The following S1PR2 variants were observed in gnomAD, a reference collection of about 807,000 sequenced individuals.
S1PR2 encodes sphingosine-1-phosphate receptor 2, also known as sphingosine 1-phosphate receptor 2.
A neutral mutation model predicts 16.1 loss-of-function variants in S1PR2; 9 were observed. The observed-to-expected ratio is 0.56, with a 90% CI of 0.34 to 0.98. The LOEUF is 0.98. S1PR2 is among the 50% of genes least tolerant of loss of function. S1PR2 has a pLI of 0.02. For synonymous variants in S1PR2, 224 were observed against 233.9 expected (o/e 0.96, Z 0.38); for missense variants, 361 against 488.4 (o/e 0.74, Z 2.46).
At chr19:10,226,455 T>C (rs375326682) in intron 1 of S1PR2, among the ~76,000 whole-genome samples, 1 of 152,248 alleles carries the variant, frequency 6.6e-6, no homozygotes, top group African/African-American at 2.4e-5. Context: ...ATGGGGGTGA[T>C]GGGAAAATCC....
Position 10,224,793 on chromosome 19 carries a change from G to C in S1PR2, c.113C>G (p.Ala38Gly), listed in dbSNP as rs776432035. ...QETTSRQVAS[A>G]FIVILCCAIV... ...GGCGCAACAGAGGATGACGATGAAG[G>C]CCGAGGCCACCTGGCGGGAGGTCGT... The change falls in exon 2 of 2, where the codon GCC becomes GGC. Residue 38 changes from alanine to glycine, a missense_variant. Physicochemically the swap from Ala to Gly is moderately conservative, Grantham distance 60. Coordinates refer to ENST00000646641, the MANE Select transcript of S1PR2 (RefSeq NM_004230.4). 33 of 1,614,116 alleles carry C rather than the reference G, an allele frequency of 2.0e-5. No individual in the cohort carries two copies. The highest frequency in any genetic ancestry group is 2.6e-5 in the Non-Finnish European group (31 of 1,180,054).
At chr19:10,230,139 A>G (rs2039661566) in intron 1 of S1PR2, among the ~76,000 whole-genome samples, 1 of 152,200 alleles carries the variant, frequency 6.6e-6, no homozygotes, top group Admixed American at 6.5e-5. Flanking sequence ...CAACCAGGCA[A>G]AGCCCAGCGT....
At position 10,222,419 on chromosome 19, in the gene S1PR2, C is replaced by T. The variant is rs919103487; in HGVS notation, c.*1425G>A. On this transcript the variant is annotated 3_prime_UTR_variant, in exon 2 of 2. Transcript: ENST00000646641. ...GCTGCAGGTGTGGAGCTGAGAATAG[C>T]TTGGGGGGTGGCTGTTTTTGAAAGG... 2.0e-5 allele frequency: 3 copies of T among 152,300 alleles called. No homozygotes were observed. Among genetic ancestry groups the T allele is most frequent in the East Asian group, 1.9e-4 (1 of 5,336 alleles). The allele number at this position is 152,300 out of a possible 1,614,324, so 9.4% of individuals were successfully genotyped here.
At chr19:10,226,518 C>A (rs1241856655) in intron 1 of S1PR2, among the ~76,000 whole-genome samples, 1 of 152,190 alleles carries the variant, frequency 6.6e-6, no homozygotes, top group East Asian at 1.9e-4. Context: ...TCAACAAATA[C>A]TGCCAAATGT....
Position 10,224,257 on chromosome 19 carries a change from G to A in S1PR2, c.649C>T (p.Arg217Cys), listed in dbSNP as rs769736633. ...GCGGCCATGTCAGCGTGGCTTGAGC[G>A]GACCACGCAGTAGATGCGCACGTAC... ...ALYVRIYCVVRSSHADMAAPQ... is the reference protein window; with the variant it reads ...ALYVRIYCVVCSSHADMAAPQ... The change falls in exon 2 of 2, where the codon CGC becomes TGC. Residue 217 changes from arginine to cysteine, a missense_variant. Transcript: ENST00000646641. The A allele has an allele frequency of 1.4e-5, 22 of 1,613,816 alleles. No homozygotes were observed. Among genetic ancestry groups the A allele is most frequent in the East Asian group, 2.2e-5 (1 of 44,902 alleles).
chr19:10,225,362 T>C (rs1337476761), intron 1 of S1PR2, among the ~76,000 whole-genome samples: 3 of 148,920 alleles, frequency 2.0e-5, no homozygotes, highest in Non-Finnish European at 4.4e-5. Flanking sequence ...CAGCTTCAGC[T>C]ACAAGCACAT....
intron 1 of S1PR2, among the ~76,000 whole-genome samples, chr19:10,229,508 T>C (rs2145445565): frequency 6.6e-6 from 1 of 152,268 alleles, no homozygotes; most frequent in East Asian, 1.9e-4. Flanking sequence ...CAGGCTGGTC[T>C]GGAACTCCTG....
chr19:10,224,477 G>T lies in S1PR2; in HGVS notation c.429C>A (p.Asp143Glu), dbSNP rs774990809. The T allele has an allele frequency of 1.2e-6, 2 of 1,613,852 alleles. No individual in the cohort carries two copies. The highest frequency in any genetic ancestry group is 8.5e-7 in the Non-Finnish European group (1 of 1,180,036). The change falls in exon 2 of 2, where the codon GAC becomes GAA. Residue 143 changes from aspartate to glutamate, a missense_variant. Asp to Glu is a conservative substitution (Grantham distance 45). Transcript: ENST00000646641. ...AIAKVKLYGS[D>E]KSCRMLLLIG... is the part of the protein sequence containing the mutation. Reference sequence around the variant, plus strand: ...TGAGCAGAAGCATGCGGCAGCTCTTGTCGCTGCCATACAGCTTGACCTTGG... The same window carrying T: ...TGAGCAGAAGCATGCGGCAGCTCTTTTCGCTGCCATACAGCTTGACCTTGG...
rs755629087 is a variant in S1PR2 at position 10,224,809 on chromosome 19, G to A, written c.97C>T (p.Arg33Cys). Residue 33 changes from arginine (R) to cysteine (C), a missense_variant, in exon 2 of 2, where the codon CGC becomes TGC. Physicochemically the swap from Arg to Cys is radical, Grantham distance 180. Coordinates refer to ENST00000646641, the MANE Select transcript of S1PR2 (RefSeq NM_004230.4). ...ACGATGAAGGCCGAGGCCACCTGGC[G>A]GGAGGTCGTCTCCTGCGTTTCCAGC... ...ETLETQETTS[R>C]QVASAFIVIL... 4.3e-6 allele frequency: 7 copies of A among 1,614,228 alleles called. No homozygotes were observed. Among genetic ancestry groups the A allele is most frequent in the East Asian group, 2.2e-5 (1 of 44,888 alleles).
chr19:10,222,447 G>GGT lies in S1PR2; in HGVS notation c.*1395_*1396dup, dbSNP rs1231086044. 1.3e-5 allele frequency: 2 copies of GGT among 152,214 alleles called. No individual in the cohort carries two copies. The highest frequency in any genetic ancestry group is 2.9e-5 in the Non-Finnish European group (2 of 68,022). 9.4% of individuals were successfully genotyped at this position (152,214 alleles called of 1,614,324 possible). On this transcript the variant is annotated 3_prime_UTR_variant, in exon 2 of 2. Coordinates refer to ENST00000646641, the MANE Select transcript of S1PR2 (RefSeq NM_004230.4). ...GGGGGGTGGCTGTTTTTGAAAGGAGGGTGTCTGTGCAAATATCACACCCAG... is the reference window on the plus strand; with the variant it reads ...GGGGGGTGGCTGTTTTTGAAAGGAGGGTGTGTCTGTGCAAATATCACACCCAG...
At chr19:10,227,055 G>A (rs1007590617) in intron 1 of S1PR2, among the ~76,000 whole-genome samples, 1 of 151,648 alleles carries the variant, frequency 6.6e-6, no homozygotes, top group African/African-American at 2.4e-5. Flanking sequence ...GGCGCTCCTC[G>A]GCAGAGAGGA....
intron 1 of S1PR2, among the ~76,000 whole-genome samples, chr19:10,226,488 G>A (rs1206090281): frequency 1.3e-5 from 2 of 152,204 alleles, no homozygotes; most frequent in African/African-American, 2.4e-5. Flanking sequence ...CATGAGGCAC[G>A]TTTAGCTCAT....
intron 1 of S1PR2, among the ~76,000 whole-genome samples, chr19:10,227,403 C>T (rs990694080): frequency 2.0e-5 from 3 of 152,112 alleles, no homozygotes; most frequent in African/African-American, 4.8e-5. Flanking sequence ...TCCCCCAGGG[C>T]GGAGGGACAT....
intron 1 of S1PR2, among the ~76,000 whole-genome samples, chr19:10,229,139 T>G (rs2039653678): frequency 6.6e-6 from 1 of 151,968 alleles, no homozygotes; most frequent in Non-Finnish European, 1.5e-5. Context: ...ATAGCCCAAG[T>G]AGGATGGCCC....
At position 10,224,656 on chromosome 19, in the gene S1PR2, C is replaced by T. The variant is rs369608498; in HGVS notation, c.250G>A (p.Val84Met). 3.2e-5 allele frequency: 51 copies of T among 1,613,860 alleles called. No homozygotes were observed. Among genetic ancestry groups the T allele is most frequent in the South Asian group, 1.3e-4 (12 of 91,094 alleles). The part of the protein sequence containing the change: ...NLAASDLLAG[V>M]AFVANTLLSG... ...AGCAAGGTATTGGCTACGAAGGCCACGCCTGCCAGTAGATCGGAGGCGGCC... is the reference window on the plus strand; with the variant it reads ...AGCAAGGTATTGGCTACGAAGGCCATGCCTGCCAGTAGATCGGAGGCGGCC... Residue 84 changes from valine (V) to methionine (M), a missense_variant, in exon 2 of 2, where the codon GTG becomes ATG. Transcript: ENST00000646641.
chr19:10,227,256 C>T (rs1272894211), intron 1 of S1PR2, among the ~76,000 whole-genome samples: 2 of 152,096 alleles, frequency 1.3e-5, no homozygotes, highest in Non-Finnish European at 2.9e-5. Context: ...CTGTGTGCAC[C>T]GTTCCAGAAA....
rs2039607484 is a variant in S1PR2, at chr19:10,223,553, G to T, written c.*291C>A. 2.4e-6 allele frequency: 1 copy of T among 414,248 alleles called. No individual in the cohort carries two copies. Among genetic ancestry groups the T allele is most frequent in the Admixed American group, 3.9e-5 (1 of 25,338 alleles). 25.7% of individuals were successfully genotyped at this position (414,248 alleles called of 1,614,324 possible). On this transcript the variant is annotated 3_prime_UTR_variant, in exon 2 of 2. Transcript: ENST00000646641. ...CTGCCCTGAGCTCCCCTTAAATGCTGCCTGCCCTCACCCTGGCTCTTCACA... is the reference window on the plus strand; with the variant it reads ...CTGCCCTGAGCTCCCCTTAAATGCTTCCTGCCCTCACCCTGGCTCTTCACA...
chr19:10,225,764 C>A (rs971838679), intron 1 of S1PR2, among the ~76,000 whole-genome samples: 34 of 151,922 alleles, frequency 2.2e-4, no homozygotes, highest in Non-Finnish European at 2.9e-4. Flanking sequence ...GTCCTGAACT[C>A]CTGGCTTCAA....
At chr19:10,226,237 G>A (rs773903217) in intron 1 of S1PR2, among the ~76,000 whole-genome samples, 10 of 152,146 alleles carry the variant, frequency 6.6e-5, no homozygotes, top group East Asian at 1.9e-4. Context: ...TTGAGGCCAC[G>A]GGTGCTCCCA....
Sources: gnomAD v4.1 joint callset for allele counts (sites outside exome capture counted in the v4.1 genomes callset) on GRCh38, gnomAD v4.1.1 for gene constraint, MANE v1.5 for transcripts, NCBI Gene and HGNC (gene_info 2026-07-23, HGNC 2026-07-21) for gene names.